SH3BGRL2: variants seen among roughly 807,000 people sequenced by gnomAD.
SH3BGRL2 encodes the protein SH3 domain-binding glutamic acid-rich-like protein 2.
In SH3BGRL2, 21 loss-of-function variants were observed where a neutral mutation model predicts 14.8. That is an observed-to-expected ratio of 1.42 (90% CI 1.01 to 2.05). SH3BGRL2 has a LOEUF of 2.05. SH3BGRL2 is among the 30% of genes most tolerant of loss of function. The pLI, the probability that SH3BGRL2 is intolerant of heterozygous loss-of-function variation, is 0.00. For missense variants in SH3BGRL2, 147 were observed against 130.8 expected, an observed-to-expected ratio of 1.12 and a Z score of -0.61; for synonymous variants, 50 against 47.8, an observed-to-expected ratio of 1.05 and a Z score of -0.19.
At chr6:79,671,111 A>G (rs1260073298) in intron 1 of SH3BGRL2, among the ~76,000 whole-genome samples, 2 of 152,128 alleles carry the variant, frequency 1.3e-5, no homozygotes, top group East Asian at 3.9e-4. Context: ...TTTTGCTTCC[A>G]AGGGTGTTTA....
At chr6:79,548,173 G>C in the SH3BGRL2 span, among the ~76,000 whole-genome samples, 1 of 152,000 alleles carries the variant, frequency 6.6e-6, no homozygotes, top group African/African-American at 2.4e-5. Context: ...CCAGCCATAC[G>C]TAATTTTGTA....
chr6:79,613,607 A>G, the SH3BGRL2 span, among the ~76,000 whole-genome samples: 1 of 151,882 alleles, frequency 6.6e-6, no homozygotes, highest in Non-Finnish European at 1.5e-5. Context: ...CTGAAAAGGA[A>G]CTCTTTTTTT....
the SH3BGRL2 span, among the ~76,000 whole-genome samples, chr6:79,545,596 C>G: frequency 6.6e-3 from 998 of 152,214 alleles, 12 homozygotes; most frequent in African/African-American, 0.023. Flanking sequence ...TAAAAGATGT[C>G]GTTTACAATT....
At chr6:79,559,362 T>A in the SH3BGRL2 span, among the ~76,000 whole-genome samples, 2 of 152,148 alleles carry the variant, frequency 1.3e-5, no homozygotes, top group African/African-American at 2.4e-5. Context: ...GGATATTTTG[T>A]GTCTCGCAAT....
chr6:79,625,507 A>G, the SH3BGRL2 span, among the ~76,000 whole-genome samples: 1 of 152,186 alleles, frequency 6.6e-6, no homozygotes, highest in African/African-American at 2.4e-5. Context: ...CTAAACTTCA[A>G]TAACATCAAA....
chr6:79,634,511 A>G (rs1768885399), intron 1 of SH3BGRL2, among the ~76,000 whole-genome samples: 2 of 152,236 alleles, frequency 1.3e-5, no homozygotes. Context: ...AACTTTGTCC[A>G]GGAAATATGT....
chr6:79,553,564 C>T, the SH3BGRL2 span, among the ~76,000 whole-genome samples: 1 of 152,146 alleles, frequency 6.6e-6, no homozygotes, highest in African/African-American at 2.4e-5. Context: ...TCTTGCAGCC[C>T]TAATGAACAG....
chr6:79,645,492 G>A (rs762570887), intron 1 of SH3BGRL2, among the ~76,000 whole-genome samples: 1 of 152,060 alleles, frequency 6.6e-6, no homozygotes, highest in Admixed American at 6.5e-5. Flanking sequence ...TTGCCTTAGG[G>A]CCTGTATCCT....
At chr6:79,660,183 C>T (rs185538023) in intron 1 of SH3BGRL2, among the ~76,000 whole-genome samples, 129 of 152,156 alleles carry the variant, frequency 8.5e-4, no homozygotes, top group Admixed American at 1.8e-3. Context: ...TGTGTTGAAT[C>T]GGAGTGGTGA....
intron 3 of SH3BGRL2, among the ~76,000 whole-genome samples, chr6:79,697,268 A>G (rs548396840): frequency 6.6e-6 from 1 of 152,176 alleles, no homozygotes. Context: ...TTGGGAAAAT[A>G]TTAAAAAAGG....
the SH3BGRL2 span, among the ~76,000 whole-genome samples, chr6:79,610,402 G>A: frequency 1.2e-4 from 18 of 152,170 alleles, no homozygotes; most frequent in African/African-American, 2.4e-5. Context: ...GAAAGGTAGA[G>A]AGGTCTCATA....
chr6:79,667,309 C>T (rs1769679614), intron 1 of SH3BGRL2, among the ~76,000 whole-genome samples: 1 of 152,076 alleles, frequency 6.6e-6, no homozygotes, highest in African/African-American at 2.4e-5. Flanking sequence ...AGTTGGCTGC[C>T]TTAATTGGCT....
the SH3BGRL2 span, among the ~76,000 whole-genome samples, chr6:79,601,721 T>G: frequency 6.6e-6 from 1 of 152,198 alleles, no homozygotes; most frequent in Non-Finnish European, 1.5e-5. Flanking sequence ...TTAAAGTTTG[T>G]TTGGTCACCA....
the SH3BGRL2 span, among the ~76,000 whole-genome samples, chr6:79,550,636 C>G: frequency 6.6e-6 from 1 of 152,170 alleles, no homozygotes; most frequent in African/African-American, 2.4e-5. Flanking sequence ...ACTATTCCTA[C>G]TTGGTCAAGG....
the SH3BGRL2 span, among the ~76,000 whole-genome samples, chr6:79,584,598 TC>T: frequency 6.6e-6 from 1 of 152,022 alleles, no homozygotes; most frequent in African/African-American, 2.4e-5. Flanking sequence ...GATGTGTAGG[TC>T]CCAAGGCCCA....
At chr6:79,592,552 T>C in the SH3BGRL2 span, among the ~76,000 whole-genome samples, 1 of 151,916 alleles carries the variant, frequency 6.6e-6, no homozygotes, top group Non-Finnish European at 1.5e-5. Context: ...TAGCCTGGGG[T>C]GTGGGAGGAG....
the SH3BGRL2 span, among the ~76,000 whole-genome samples, chr6:79,546,312 C>A: frequency 2.0e-5 from 3 of 152,172 alleles, no homozygotes; most frequent in Non-Finnish European, 4.4e-5. Context: ...GTTTCTCCCA[C>A]TTCCTGCTTA....
chr6:79,603,941 ATTACAG>A, the SH3BGRL2 span, among the ~76,000 whole-genome samples: 1 of 151,988 alleles, frequency 6.6e-6, no homozygotes, highest in African/African-American at 2.4e-5. Flanking sequence ...AGCAGCTGGG[ATTACAG>A]GTGCGCGTTA....
At chr6:79,696,596 G>C (rs1770337197) in intron 3 of SH3BGRL2, 31 bp downstream of exon 3, 1 of 1,459,382 alleles carries the variant, frequency 6.9e-7, no homozygotes, top group African/African-American at 1.5e-5. Flanking sequence ...TCTTGTTTTA[G>C]AATTCATCTC....
Sources: allele counts gnomAD v4.1 joint callset (sites outside exome capture counted in the v4.1 genomes callset), GRCh38; gene constraint gnomAD v4.1.1; transcripts MANE v1.5; gene names NCBI Gene and HGNC (gene_info 2026-07-23, HGNC 2026-07-21).